Variants in KLHL29 observed in about 807,000 individuals in gnomAD.
KLHL29 encodes kelch-like protein 29.
Under a neutral mutation model 80.4 loss-of-function variants are expected in KLHL29, and 21 were observed. That is an observed-to-expected ratio of 0.26 (90% confidence interval 0.19 to 0.38). The LOEUF (loss-of-function observed/expected upper bound fraction) is 0.38. Ranked by LOEUF, KLHL29 falls within the 10% of genes least tolerant of loss-of-function variation. The probability of loss-of-function intolerance (pLI) is 1.00; values close to 1 mark genes in which losing one functional copy is unlikely to be tolerated. For missense variants in KLHL29, 867 were observed against 1,223.9 expected, an observed-to-expected ratio of 0.71 and a Z score of 4.35; for synonymous variants, 511 against 526.8, an observed-to-expected ratio of 0.97 and a Z score of 0.41.
At chr2:23,603,511 G>A (rs956657234) in intron 3 of KLHL29, among the ~76,000 whole-genome samples, 3 of 152,212 alleles carry the variant, frequency 2.0e-5, no homozygotes, top group Non-Finnish European at 4.4e-5. Context: ...TACCCAGCCA[G>A]TTGCTTTCCA....
At chr2:23,432,275 C>T (rs994338776) in intron 1 of KLHL29, among the ~76,000 whole-genome samples, 3 of 152,124 alleles carry the variant, frequency 2.0e-5, no homozygotes, top group Admixed American at 6.6e-5. Flanking sequence ...TTAATAATGC[C>T]AAAGCATTGA....
chr2:23,661,606 G>A (rs1474907509), intron 5 of KLHL29, among the ~76,000 whole-genome samples: 2 of 152,258 alleles, frequency 1.3e-5, no homozygotes, highest in African/African-American at 4.8e-5. Flanking sequence ...GACCAGGTCA[G>A]TTATCTGGAA....
chr2:23,595,451 T>G (rs547304204), intron 3 of KLHL29, among the ~76,000 whole-genome samples: 1 of 152,342 alleles, frequency 6.6e-6, no homozygotes, highest in South Asian at 2.1e-4. Flanking sequence ...CATAGCCCTT[T>G]GTTCTCCTAC....
rs145351229 is a variant in KLHL29, at chr2:23,647,369, G to A, written c.940+4519G>A. 1.8e-3 allele frequency among the ~76,000 whole-genome samples: 281 copies of A among 152,322 alleles called. 2 individuals are homozygous for A. The highest frequency in any genetic ancestry group is 6.6e-3 in the African/African-American group (275 of 41,572). On this transcript the variant is annotated intron_variant, in intron 5 of 13. Coordinates refer to ENST00000486442, the MANE Select transcript of KLHL29 (RefSeq NM_052920.2). This position sits in a 1 kb window ranked among gnomAD's most constrained non-coding sequence, Gnocchi z 4.9. Reference sequence around the variant, plus strand: ...ACAGAATTTTATCCAGACTGAAACTGTCTTCCCACAGACCTATTCTTCCTG... The same window carrying A: ...ACAGAATTTTATCCAGACTGAAACTATCTTCCCACAGACCTATTCTTCCTG...
At chr2:23,651,206 T>C (rs1029191256) in intron 5 of KLHL29, among the ~76,000 whole-genome samples, 2 of 152,236 alleles carry the variant, frequency 1.3e-5, no homozygotes, top group African/African-American at 4.8e-5. Flanking sequence ...AAAGAATATA[T>C]GTTTATATTT....
In KLHL29 at chr2:23,703,772, G is replaced by A. The variant is rs1253761301; in HGVS notation, c.2353G>A (p.Gly785Arg). Reference protein sequence around the residue: ...TLNGFVFILGGAYARATTIYD... With the variant: ...TLNGFVFILGRAYARATTIYD... ...CAATGGCTTCGTTTTCATCCTGGGC[G>A]GGGCTTATGCCAGAGCTACCACCAT... The change falls in exon 13 of 14, where the codon GGG becomes AGG. Residue 785 changes from glycine (G) to arginine (R), a missense_variant. Gly to Arg is a moderately radical substitution (Grantham distance 125). Coordinates refer to ENST00000486442, the MANE Select transcript of KLHL29 (RefSeq NM_052920.2). 3.3e-6 allele frequency: 5 copies of A among 1,537,326 alleles called. No individual in the cohort carries two copies. Among genetic ancestry groups the A allele is most frequent in the East Asian group, 2.4e-5 (1 of 40,920 alleles).
intron 3 of KLHL29, among the ~76,000 whole-genome samples, chr2:23,632,544 A>T (rs1247269924): frequency 6.6e-6 from 1 of 152,258 alleles, no homozygotes; most frequent in African/African-American, 2.4e-5. Flanking sequence ...TGGCCTGCCC[A>T]GTGATGCCCC....
intron 3 of KLHL29, among the ~76,000 whole-genome samples, chr2:23,594,200 G>A (rs1247219188): frequency 6.6e-6 from 1 of 152,148 alleles, no homozygotes; most frequent in Non-Finnish European, 1.5e-5. Flanking sequence ...TACCAGACCG[G>A]CCTTATTTGG....
intron 3 of KLHL29, among the ~76,000 whole-genome samples, chr2:23,584,972 G>A (rs540127951): frequency 1.6e-4 from 25 of 152,284 alleles, no homozygotes; most frequent in African/African-American, 5.5e-4. Flanking sequence ...CCTGACTCAG[G>A]TGATCCACCC....
intron 2 of KLHL29, among the ~76,000 whole-genome samples, chr2:23,543,895 C>T (rs141872461): frequency 9.3e-4 from 142 of 152,260 alleles, no homozygotes; most frequent in African/African-American, 3.3e-3. Context: ...GGCAAGCCTG[C>T]CCACCCCGGG....
chr2:23,552,761 C>CTTTTTTTTTTTTTTTTTTTTTT lies in KLHL29; in HGVS notation c.-45-9374_-45-9373insTTTTTTTTTTTTTTTTTTTTTT, dbSNP rs60558023. Among the ~76,000 whole-genome samples, 19 of 95,536 alleles carry CTTTTTTTTTTTTTTTTTTTTTT rather than the reference C, an allele frequency of 2.0e-4. 2 individuals carry two copies. The highest frequency in any genetic ancestry group is 5.7e-4 in the African/African-American group (12 of 21,208). 62.7% of individuals were successfully genotyped at this position (95,536 alleles called of 152,430 possible). A position where few individuals can be genotyped will look rare whatever the true frequency, so the allele number is the denominator to read the frequency against. On this transcript the variant is annotated intron_variant, in intron 2 of 13. Coordinates refer to ENST00000486442, the MANE Select transcript of KLHL29 (RefSeq NM_052920.2). ...CACGGCTATAGCTCTGGTTTCTTTT[C>CTTTTTTTTTTTTTTTTTTTTTT]TTTTTTTTTTTTTTTTTGAGATGGC...
At chr2:23,411,453 A>G (rs1019251535) in intron 1 of KLHL29, among the ~76,000 whole-genome samples, 12 of 121,574 alleles carry the variant, frequency 9.9e-5, no homozygotes, top group African/African-American at 9.7e-5. Context: ...GGGCGAGGTA[A>G]TGGGTCATGG....
intron 1 of KLHL29, among the ~76,000 whole-genome samples, chr2:23,405,437 C>G (rs1666700177): frequency 1.3e-5 from 2 of 152,152 alleles, no homozygotes; most frequent in African/African-American, 4.8e-5. Context: ...AAGATGTAAT[C>G]CCTGAATAGA....
chr2:23,418,584 C>G (rs1029550222), intron 1 of KLHL29, among the ~76,000 whole-genome samples: 4 of 152,176 alleles, frequency 2.6e-5, no homozygotes, highest in Admixed American at 2.0e-4. Context: ...GTTGCTGACA[C>G]AGGAATTTTC....
intron 1 of KLHL29, among the ~76,000 whole-genome samples, chr2:23,440,172 C>T (rs185397582): frequency 1.7e-3 from 252 of 152,188 alleles, no homozygotes; most frequent in African/African-American, 5.7e-3. Flanking sequence ...GAAATAACGC[C>T]GCATATCTAC....
chr2:23,706,216 G>A (rs4233701), intron 13 of KLHL29, among the ~76,000 whole-genome samples: 1 of 152,038 alleles, frequency 6.6e-6, no homozygotes, highest in Non-Finnish European at 1.5e-5. Flanking sequence ...TCGTCTCCTA[G>A]CCATGGTTAG....
At chr2:23,609,089 A>T (rs1254961435) in intron 3 of KLHL29, among the ~76,000 whole-genome samples, 6 of 152,182 alleles carry the variant, frequency 3.9e-5, no homozygotes, top group African/African-American at 1.4e-4. Context: ...TGTTCCCCTG[A>T]TATCAGTCAT....
intron 3 of KLHL29, among the ~76,000 whole-genome samples, chr2:23,587,245 C>CTTT (rs34675398): frequency 0.06 from 8,871 of 146,690 alleles, 808 homozygotes; most frequent in African/African-American, 0.2. Context: ...GGCCAATTTA[C>CTTT]TTTTTTTTTT....
At chr2:23,633,756 CGTGTGTGTGTGTG>C (rs1292463055) in intron 3 of KLHL29, among the ~76,000 whole-genome samples, 4 of 147,240 alleles carry the variant, frequency 2.7e-5, no homozygotes, top group Admixed American at 6.7e-5. Context: ...TCACAGCACT[CGTGTGTGTGTGTG>C]TGTGTGTGTG....
Sources: gnomAD v4.1 joint callset for allele counts (sites outside exome capture counted in the v4.1 genomes callset) on GRCh38, gnomAD v4.1.1 for gene constraint, Gnocchi (gnomAD v3.1) non-coding constraint, MANE v1.5 for transcripts, NCBI Gene and HGNC (gene_info 2026-07-23, HGNC 2026-07-21) for gene names.